The following MAGI1 variants were observed in gnomAD, a reference collection of about 807,000 sequenced individuals.
MAGI1 encodes membrane-associated guanylate kinase, WW and PDZ domain-containing protein 1.
In MAGI1, 58 loss-of-function variants were observed where a neutral mutation model predicts 139.9. The observed-to-expected ratio is 0.41, with a 90% CI of 0.34 to 0.52. The LOEUF is 0.52. Ranked by LOEUF, MAGI1 falls within the 20% of genes least tolerant of loss-of-function variation. MAGI1 has a pLI of 0.12. For missense variants in MAGI1, 1,874 were observed against 1,901.6 expected (o/e 0.99, Z 0.27); for synonymous variants, 812 against 737.9 (o/e 1.10, Z -1.63).
chr3:65,707,931 T>A (rs1426873852), intron 1 of MAGI1, among the ~76,000 whole-genome samples: 1 of 152,130 alleles, frequency 6.6e-6, no homozygotes, highest in Non-Finnish European at 1.5e-5. Flanking sequence ...CGGCTGTAAC[T>A]GTGTGAAGAA....
intron 1 of MAGI1, among the ~76,000 whole-genome samples, chr3:65,638,372 C>T (rs181947905): frequency 1.1e-4 from 17 of 152,098 alleles, no homozygotes. Context: ...ATGATTATGA[C>T]AATGTACAAA....
chr3:65,498,898 G>T, intron 2 of MAGI1: 1 of 509,168 alleles, frequency 2.0e-6, no homozygotes, highest in Non-Finnish European at 2.5e-6. Context: ...GTGGCTACTG[G>T]CCTGGTCAGT....
intron 1 of MAGI1, among the ~76,000 whole-genome samples, chr3:65,657,645 A>C (rs1442713601): frequency 1.3e-5 from 2 of 152,194 alleles, no homozygotes; most frequent in Admixed American, 6.5e-5. Context: ...TGACAACATC[A>C]CGAAAGTTTA....
At chr3:65,611,055 A>G (rs1426546109) in intron 2 of MAGI1, among the ~76,000 whole-genome samples, 3 of 136,900 alleles carry the variant, frequency 2.2e-5, no homozygotes, top group African/African-American at 8.0e-5. Context: ...ATACATATAT[A>G]CATACATATA....
intron 1 of MAGI1, among the ~76,000 whole-genome samples, chr3:65,803,235 T>C (rs2108143747): frequency 1.3e-5 from 2 of 152,292 alleles, no homozygotes; most frequent in South Asian, 4.1e-4. Flanking sequence ...CCTGCGATAT[T>C]ATAACAGCAG....
In MAGI1 at chr3:65,391,260, C is replaced by A. The variant is rs558577754; in HGVS notation, c.2298G>T (p.Val766=). 6.2e-7 allele frequency: 1 copy of A among 1,614,164 alleles called. No homozygotes were observed. Among genetic ancestry groups the A allele is most frequent in the East Asian group, 2.2e-5 (1 of 44,866 alleles). The part of the protein sequence containing the change: ...HTASPSHSTQ[V]LPEFPPAEAQ... ...CCTCTGCAGGTGGGAACTCGGGGAG[C>A]ACCTGTGTGCTGTGGCTTGGGGATG... The change falls in exon 14 of 23, where the codon GTG becomes GTT. Residue 766 remains valine (V), a synonymous_variant. Transcript: ENST00000402939.
chr3:65,448,505 A>G (rs911111935), intron 6 of MAGI1, among the ~76,000 whole-genome samples: 1 of 152,196 alleles, frequency 6.6e-6, no homozygotes, highest in Middle Eastern at 3.2e-3. Context: ...TACAAGTAAC[A>G]GTGCTGCTTG....
intron 2 of MAGI1, among the ~76,000 whole-genome samples, chr3:65,591,123 G>C (rs970249592): frequency 6.6e-6 from 1 of 151,934 alleles, no homozygotes; most frequent in African/African-American, 2.4e-5. Flanking sequence ...CTAAATCATG[G>C]TACAGCAAAA....
At chr3:65,978,982 T>C (rs1410333185) in intron 1 of MAGI1, among the ~76,000 whole-genome samples, 8 of 151,820 alleles carry the variant, frequency 5.3e-5, no homozygotes, top group Admixed American at 5.3e-4. Flanking sequence ...AGAAAGCATC[T>C]CTTCCTTCAT....
At chr3:65,545,974 TCA>T (rs926687949) in intron 2 of MAGI1, among the ~76,000 whole-genome samples, 92 of 145,688 alleles carry the variant, frequency 6.3e-4, no homozygotes, top group African/African-American at 1.8e-3. Context: ...GGGTATGATC[TCA>T]CACACACACA....
At chr3:65,419,996 C>T (rs1458415096) in intron 12 of MAGI1, among the ~76,000 whole-genome samples, 2 of 152,134 alleles carry the variant, frequency 1.3e-5, no homozygotes, top group African/African-American at 4.8e-5. Context: ...TCCCCCACTG[C>T]CGTGATCCTC....
chr3:65,935,559 C>T (rs2063010334), intron 1 of MAGI1, among the ~76,000 whole-genome samples: 1 of 152,144 alleles, frequency 6.6e-6, no homozygotes, highest in African/African-American at 2.4e-5. Context: ...GAGGTTGAGG[C>T]TGCAGTGAGC....
At chr3:65,420,744 G>A (rs989209828) in intron 12 of MAGI1, among the ~76,000 whole-genome samples, 5 of 152,086 alleles carry the variant, frequency 3.3e-5, no homozygotes, top group East Asian at 1.9e-4. Flanking sequence ...AAAGGGGAAG[G>A]GATGACACCA....
chr3:65,826,943 G>A (rs2042260560), intron 1 of MAGI1, among the ~76,000 whole-genome samples: 1 of 152,140 alleles, frequency 6.6e-6, no homozygotes, highest in South Asian at 2.1e-4. Context: ...ATGTTCTTCA[G>A]TTTCTCCTCA....
At chr3:65,859,019 A>G (rs1482832721) in intron 1 of MAGI1, among the ~76,000 whole-genome samples, 1 of 152,158 alleles carries the variant, frequency 6.6e-6, no homozygotes, top group East Asian at 1.9e-4. Context: ...TGTGCCAGAT[A>G]TTGTGCTATG....
intron 1 of MAGI1, among the ~76,000 whole-genome samples, chr3:65,800,463 C>G (rs1377008427): frequency 6.6e-6 from 1 of 152,004 alleles, no homozygotes; most frequent in East Asian, 1.9e-4. Context: ...CTTAGCAAAA[C>G]CAGACATTGT....
intron 6 of MAGI1, 35 bp from the exon 7 acceptor site, chr3:65,448,092 A>G: frequency 6.2e-7 from 1 of 1,609,782 alleles, no homozygotes; most frequent in Non-Finnish European, 8.5e-7. Flanking sequence ...GAGACAGAAA[A>G]GAGAGAAAGC....
At chr3:65,545,386 C>T (rs892808071) in intron 2 of MAGI1, among the ~76,000 whole-genome samples, 7 of 152,106 alleles carry the variant, frequency 4.6e-5, no homozygotes, top group Non-Finnish European at 1.0e-4. Flanking sequence ...AATGTATATA[C>T]ATGGAACTCC....
chr3:65,661,514 C>T (rs1011631482), intron 1 of MAGI1, among the ~76,000 whole-genome samples: 3 of 152,092 alleles, frequency 2.0e-5, no homozygotes, highest in African/African-American at 7.2e-5. Flanking sequence ...CTGAGACTAT[C>T]GTCAAGATGT....
Sources: gnomAD v4.1 joint callset for allele counts (sites outside exome capture counted in the v4.1 genomes callset) on GRCh38, gnomAD v4.1.1 for gene constraint, MANE v1.5 for transcripts, NCBI Gene and HGNC (gene_info 2026-07-23, HGNC 2026-07-21) for gene names.